KYNU: variants seen among roughly 807,000 people sequenced by gnomAD.
KYNU encodes kynureninase.
KYNU carries 54 observed loss-of-function variants against 59.2 expected under a neutral mutation model. The observed-to-expected ratio is 0.91, with a 90% confidence interval of 0.73 to 1.14. The LOEUF is 1.14. Ranked by LOEUF, KYNU falls within the 50% of genes most tolerant of loss-of-function variation. KYNU has a pLI of 0.00. For missense variants in KYNU, 567 were observed against 554.4 expected (o/e 1.02, Z -0.23); for synonymous variants, 177 against 192.0 (o/e 0.92, Z 0.65).
chr2:142,913,382 T>C (rs1558917811), intron 2 of KYNU, among the ~76,000 whole-genome samples: 2 of 152,212 alleles, frequency 1.3e-5, no homozygotes, highest in Non-Finnish European at 2.9e-5. Context: ...GATTTTGGCA[T>C]GTTGGTTGTG....
intron 4 of KYNU, among the ~76,000 whole-genome samples, chr2:142,937,220 C>T (rs1387277029): frequency 6.6e-6 from 1 of 152,044 alleles, no homozygotes; most frequent in African/African-American, 2.4e-5. Flanking sequence ...TGTGGCCTTG[C>T]ACCTTGGTAC....
chr2:142,983,828 C>T (rs1049625344), intron 8 of KYNU, among the ~76,000 whole-genome samples: 1 of 151,982 alleles, frequency 6.6e-6, no homozygotes. Flanking sequence ...CTTTAAAAAA[C>T]AGTAGCATTG....
chr2:142,990,949 T>C (rs979217272), intron 10 of KYNU, among the ~76,000 whole-genome samples: 4 of 151,852 alleles, frequency 2.6e-5, no homozygotes, highest in African/African-American at 4.8e-5. Flanking sequence ...CTGACTTCAG[T>C]GCATGGTTAA....
intron 10 of KYNU, among the ~76,000 whole-genome samples, chr2:143,014,195 C>T (rs537099599): frequency 9.8e-5 from 15 of 152,338 alleles, no homozygotes; most frequent in African/African-American, 3.6e-4. Flanking sequence ...GCTGAGGGAA[C>T]ATGGCTCAGG....
At chr2:143,022,532 A>T (rs1395417006) in intron 10 of KYNU, among the ~76,000 whole-genome samples, 1 of 151,958 alleles carries the variant, frequency 6.6e-6, no homozygotes, top group Non-Finnish European at 1.5e-5. Context: ...AATATCTCCC[A>T]TACCTCTTTT....
intron 10 of KYNU, among the ~76,000 whole-genome samples, chr2:143,026,011 CT>C (rs1686543217): frequency 6.6e-6 from 1 of 151,996 alleles, no homozygotes; most frequent in Non-Finnish European, 1.5e-5. Flanking sequence ...AAAATTTGGA[CT>C]AATAAAGAGG....
intron 10 of KYNU, among the ~76,000 whole-genome samples, chr2:143,027,588 A>C (rs1686613632): frequency 6.6e-6 from 1 of 152,146 alleles, no homozygotes; most frequent in Non-Finnish European, 1.5e-5. Context: ...CTCTTAGTGA[A>C]AACTCTTTCA....
intron 2 of KYNU, among the ~76,000 whole-genome samples, chr2:142,911,976 A>G (rs1461136425): frequency 1.3e-5 from 2 of 151,694 alleles, no homozygotes; most frequent in Non-Finnish European, 2.9e-5. Flanking sequence ...TTTTGCTTCA[A>G]TGGGGATATT....
intron 1 of KYNU, among the ~76,000 whole-genome samples, chr2:142,877,962 A>G (rs1681154248): frequency 6.6e-6 from 1 of 152,196 alleles, no homozygotes; most frequent in Non-Finnish European, 1.5e-5. Context: ...TACTAATGTA[A>G]TAGAAAAGAA....
intron 10 of KYNU, among the ~76,000 whole-genome samples, chr2:143,013,432 G>A (rs1686170161): frequency 6.6e-6 from 1 of 151,972 alleles, no homozygotes; most frequent in Non-Finnish European, 1.5e-5. Flanking sequence ...ATCTTTACAA[G>A]GTGCTGATTT....
chr2:142,891,546 T>G (rs936661274), intron 2 of KYNU, among the ~76,000 whole-genome samples: 2 of 152,214 alleles, frequency 1.3e-5, no homozygotes, highest in African/African-American at 2.4e-5. Context: ...ACAAGATCTT[T>G]TATAATTTTG....
intron 4 of KYNU, chr2:142,947,299 A>T: frequency 1.4e-6 from 2 of 1,384,812 alleles, no homozygotes; most frequent in Non-Finnish European, 2.0e-6. Context: ...TCACCACTAC[A>T]CACCTGTGTC....
intron 7 of KYNU, among the ~76,000 whole-genome samples, chr2:142,959,662 A>AT (rs1041912062): frequency 8.5e-5 from 13 of 152,098 alleles, no homozygotes; most frequent in African/African-American, 3.1e-4. Flanking sequence ...TATTTAACTA[A>AT]TTTTTTTCAG....
At chr2:142,968,047 G>T (rs1303573868) in intron 8 of KYNU, among the ~76,000 whole-genome samples, 1 of 152,100 alleles carries the variant, frequency 6.6e-6, no homozygotes, top group South Asian at 2.1e-4. Context: ...GTTGACATTA[G>T]AGACATTTTG....
intron 11 of KYNU, among the ~76,000 whole-genome samples, chr2:143,030,904 A>C (rs1206953088): frequency 6.6e-6 from 1 of 152,186 alleles, no homozygotes; most frequent in Admixed American, 6.5e-5. Context: ...GTTGGGCAAA[A>C]CCATCTAACA....
rs1423648951 is a variant in KYNU at position 143,049,105 on chromosome 2, T to C, written c.*6933T>C. The C allele has an allele frequency of 6.6e-6, 1 of 152,208 alleles. No individual in the cohort carries two copies. Among genetic ancestry groups the C allele is most frequent in the Non-Finnish European group, 1.5e-5 (1 of 68,036 alleles). 9.4% of individuals were successfully genotyped at this position (152,208 alleles called of 1,614,324 possible). A position where few individuals can be genotyped will look rare whatever the true frequency, so the allele number is the denominator to read the frequency against. On this transcript the variant is annotated 3_prime_UTR_variant, in exon 14 of 14. Coordinates refer to ENST00000264170, the MANE Select transcript of KYNU (RefSeq NM_003937.3). ...ATTCAATTATTACCTCTTTCTATTATTTCCTTTTTAAAATAAAAGGGTATA... is the reference window on the plus strand; with the variant it reads ...ATTCAATTATTACCTCTTTCTATTACTTCCTTTTTAAAATAAAAGGGTATA...
At chr2:143,025,491 T>TG (rs1017094561) in intron 10 of KYNU, among the ~76,000 whole-genome samples, 2 of 152,166 alleles carry the variant, frequency 1.3e-5, no homozygotes, top group Non-Finnish European at 2.9e-5. Context: ...TCTATGGATG[T>TG]GCCTCCTTTT....
In KYNU at chr2:143,033,237, A is replaced by G; in HGVS notation, c.957A>G (p.Lys319=). 6.2e-7 allele frequency: 1 copy of G among 1,605,916 alleles called. No homozygotes were observed. Among genetic ancestry groups the G allele is most frequent in the Non-Finnish European group, 8.5e-7 (1 of 1,172,592 alleles). ...AATGACATGATATTAATTTCTCAGA[A>G]CTGCAGTTAATCCCTGGGGTCTGTG... ...ELSTRFKMDN[K]LQLIPGVCGF... The change falls in exon 12 of 14, where the codon AAA becomes AAG. Residue 319 remains lysine (K), a splice_region_variant and synonymous_variant. Transcript: ENST00000264170.
chr2:143,006,092 C>G (rs1352878729), intron 10 of KYNU, among the ~76,000 whole-genome samples: 1 of 152,154 alleles, frequency 6.6e-6, no homozygotes, highest in Non-Finnish European at 1.5e-5. Context: ...TCTACAGCTC[C>G]CAGCATGAGC....
Sources: gnomAD v4.1 joint callset for allele counts (sites outside exome capture counted in the v4.1 genomes callset) on GRCh38, gnomAD v4.1.1 for gene constraint, MANE v1.5 for transcripts, NCBI Gene and HGNC (gene_info 2026-07-23, HGNC 2026-07-21) for gene names.